Variants in ASTN2 observed in about 807,000 individuals in gnomAD.
The protein encoded by ASTN2 is astrotactin 2.
ASTN2 carries 54 observed loss-of-function variants against 139.8 expected under a neutral mutation model. That is an observed-to-expected ratio of 0.39 (90% CI 0.31 to 0.48). The LOEUF is 0.48. Ranked by LOEUF, ASTN2 falls within the 20% of genes least tolerant of loss-of-function variation. The pLI is 0.95. For missense variants in ASTN2, 1,565 were observed against 1,725.1 expected, an observed-to-expected ratio of 0.91 and a Z score of 1.64; for synonymous variants, 756 against 719.5, an observed-to-expected ratio of 1.05 and a Z score of -0.81.
At chr9:116,973,398 A>G (rs1364017836) in intron 10 of ASTN2, among the ~76,000 whole-genome samples, 3 of 152,186 alleles carry the variant, frequency 2.0e-5, no homozygotes, top group Non-Finnish European at 2.9e-5. Context: ...AGAGAATTAA[A>G]CTTGGCCACC....
At chr9:116,631,342 A>G (rs1442209023) in intron 17 of ASTN2, among the ~76,000 whole-genome samples, 1 of 152,236 alleles carries the variant, frequency 6.6e-6, no homozygotes, top group Non-Finnish European at 1.5e-5. Context: ...ATGCATGGAT[A>G]AAGAAAATGT....
chr9:117,304,090 C>G (rs1316642672), intron 1 of ASTN2, among the ~76,000 whole-genome samples: 1 of 152,180 alleles, frequency 6.6e-6, no homozygotes, highest in Non-Finnish European at 1.5e-5. Context: ...GCCGGCTGAC[C>G]ACAGATGCAG....
intron 4 of ASTN2, among the ~76,000 whole-genome samples, chr9:117,107,971 A>C (rs1829148775): frequency 6.6e-6 from 1 of 152,144 alleles, no homozygotes; most frequent in Admixed American, 6.5e-5. Context: ...AGTTGAATAA[A>C]CCTGAAAAGG....
intron 19 of ASTN2, among the ~76,000 whole-genome samples, chr9:116,602,251 G>A (rs1193859451): frequency 6.6e-6 from 1 of 152,156 alleles, no homozygotes; most frequent in Non-Finnish European, 1.5e-5. Flanking sequence ...AACCATTGTA[G>A]GCTATACTTT....
At chr9:116,450,926 A>C (rs1848155557) in intron 20 of ASTN2, among the ~76,000 whole-genome samples, 1 of 152,220 alleles carries the variant, frequency 6.6e-6, no homozygotes, top group African/African-American at 2.4e-5. Flanking sequence ...CTTTCAAAAC[A>C]ACTCAGTCTG....
chr9:117,403,404 G>T (rs1445755344), intron 1 of ASTN2, among the ~76,000 whole-genome samples: 2 of 152,168 alleles, frequency 1.3e-5, no homozygotes, highest in African/African-American at 4.8e-5. Flanking sequence ...GGACAATAGG[G>T]AATCCAGAAT....
chr9:117,324,179 C>A (rs995684835), intron 1 of ASTN2, among the ~76,000 whole-genome samples: 1 of 152,016 alleles, frequency 6.6e-6, no homozygotes, highest in Non-Finnish European at 1.5e-5. Context: ...ATGCTGGGAG[C>A]TATAGGATGA....
Position 117,114,166 on chromosome 9 carries a change from C to CT in ASTN2, c.1169-18016dup, listed in dbSNP as rs748137558. 7.9e-3 allele frequency among the ~76,000 whole-genome samples: 1,119 copies of CT among 140,828 alleles called. 8 individuals are homozygous for CT. Among genetic ancestry groups the CT allele is most frequent in the African/African-American group, 0.024 (895 of 37,956 alleles). The allele number at this position is 140,828 out of a possible 152,430, so 92.4% of individuals were successfully genotyped here. ...GAAACTCTTTTTAATGAACATTAGT[C>CT]TTTTTTTTTTTTAAAAAAAAAGTCT... is the stretch of plus-strand genomic sequence containing the variant. On this transcript the variant is annotated intron_variant, in intron 4 of 22. Transcript: ENST00000313400.
chr9:116,593,229 G>A (rs1854442113), intron 19 of ASTN2, among the ~76,000 whole-genome samples: 1 of 152,228 alleles, frequency 6.6e-6, no homozygotes, highest in African/African-American at 2.4e-5. Flanking sequence ...GCTTTTGCAA[G>A]GGAAATAAAA....
intron 2 of ASTN2, among the ~76,000 whole-genome samples, chr9:117,272,892 G>A (rs1834099681): frequency 6.6e-6 from 1 of 152,138 alleles, no homozygotes; most frequent in Non-Finnish European, 1.5e-5. Context: ...ACATTTTACT[G>A]TCTTCTTCTC....
At chr9:116,861,136 T>G (rs1832866028) in intron 11 of ASTN2, among the ~76,000 whole-genome samples, 3 of 151,974 alleles carry the variant, frequency 2.0e-5, no homozygotes. Context: ...CCCTAGGGAA[T>G]GAATGTTCTT....
chr9:116,908,376 T>C (rs1267000989), intron 10 of ASTN2, among the ~76,000 whole-genome samples: 1 of 149,882 alleles, frequency 6.7e-6, no homozygotes, highest in African/African-American at 2.4e-5. Context: ...CCTCACAGAG[T>C]TACTATGAGT....
At position 116,839,702 on chromosome 9, in the gene ASTN2, G is replaced by A. The variant is rs907077387; in HGVS notation, c.2041-18919C>T. On this transcript the variant is annotated intron_variant, in intron 11 of 22. Transcript: ENST00000313400. The stretch of plus-strand genomic sequence containing the variant: ...TATTTTTTTCCTGAGAGGGAGTCTC[G>A]CTCTGTCGCCCAAGCTGGACTGCAG... Among the ~76,000 whole-genome samples the A allele has an allele frequency of 7.9e-5, 12 of 151,536 alleles. No homozygotes were observed. The East Asian group carries it at 1.6e-3, about 20-fold the overall frequency.
chr9:117,410,118 T>TA (rs1831120898), intron 1 of ASTN2, among the ~76,000 whole-genome samples: 1 of 152,212 alleles, frequency 6.6e-6, no homozygotes, highest in African/African-American at 2.4e-5. Flanking sequence ...AGCAAATTAC[T>TA]AAAAAATGTT....
At chr9:116,766,888 C>G (rs952229655) in intron 13 of ASTN2, among the ~76,000 whole-genome samples, 1 of 151,196 alleles carries the variant, frequency 6.6e-6, no homozygotes, top group Non-Finnish European at 1.5e-5. Context: ...CATTCACACT[C>G]ACATACACTT....
At chr9:116,861,973 C>CTTTTTTTT (rs56282333) in intron 11 of ASTN2, among the ~76,000 whole-genome samples, 1 of 133,638 alleles carries the variant, frequency 7.5e-6, no homozygotes, top group African/African-American at 2.8e-5. Flanking sequence ...TTTCCTTCTT[C>CTTTTTTTT]TTTTTTTTTT....
intron 1 of ASTN2, among the ~76,000 whole-genome samples, chr9:117,357,416 G>A (rs1487124867): frequency 6.6e-6 from 1 of 152,044 alleles, no homozygotes; most frequent in Admixed American, 6.6e-5. Context: ...CACTGAGTGT[G>A]GAGCACAAAT....
intron 5 of ASTN2, among the ~76,000 whole-genome samples, chr9:117,088,907 A>G (rs1015468417): frequency 2.0e-5 from 3 of 152,192 alleles, no homozygotes; most frequent in Non-Finnish European, 2.9e-5. Flanking sequence ...TCCAGCAGCT[A>G]TAACAGCTCC....
At chr9:117,355,404 C>A (rs1160468914) in intron 1 of ASTN2, among the ~76,000 whole-genome samples, 2 of 152,098 alleles carry the variant, frequency 1.3e-5, no homozygotes, top group Admixed American at 6.5e-5. Flanking sequence ...TCAAGCATGC[C>A]CTCCTACCTT....
Sources: allele counts gnomAD v4.1 joint callset (sites outside exome capture counted in the v4.1 genomes callset), GRCh38; gene constraint gnomAD v4.1.1; transcripts MANE v1.5; gene names NCBI Gene and HGNC (gene_info 2026-07-23, HGNC 2026-07-21).